Variants in GPC6 observed in about 807,000 individuals in gnomAD.
The protein encoded by GPC6 is glypican 6, also known as glypican-6.
A neutral mutation model predicts 55.2 loss-of-function variants in GPC6; 14 were observed. The observed-to-expected ratio is 0.25, with a 90% confidence interval of 0.17 to 0.40. The LOEUF is 0.40. Among genes scored for constraint, GPC6 ranks in the 10% least tolerant of loss-of-function variants. The probability of loss-of-function intolerance (pLI) is 1.00; values close to 1 mark genes in which losing one functional copy is unlikely to be tolerated. For missense variants in GPC6, 641 were observed against 708.5 expected (o/e 0.90, Z 1.08); for synonymous variants, 278 against 259.6 (o/e 1.07, Z -0.68).
At chr13:93,358,581 A>G (rs1458100771) in intron 1 of GPC6, among the ~76,000 whole-genome samples, 1 of 152,144 alleles carries the variant, frequency 6.6e-6, no homozygotes, top group Admixed American at 6.6e-5. Context: ...CTACATTGAA[A>G]AACCCATCTT....
At chr13:93,536,022 C>G (rs1882048242) in intron 1 of GPC6, among the ~76,000 whole-genome samples, 1 of 152,046 alleles carries the variant, frequency 6.6e-6, no homozygotes, top group African/African-American at 2.4e-5. Flanking sequence ...AGTGATCTTC[C>G]AACATCGGGA....
intron 1 of GPC6, among the ~76,000 whole-genome samples, chr13:93,324,216 C>G (rs373683838): frequency 6.6e-6 from 1 of 151,958 alleles, no homozygotes; most frequent in East Asian, 1.9e-4. Flanking sequence ...ATCACATATT[C>G]TCACTTATTT....
intron 4 of GPC6, among the ~76,000 whole-genome samples, chr13:94,193,980 T>C (rs747991232): frequency 1.1e-4 from 17 of 152,160 alleles, no homozygotes; most frequent in Non-Finnish European, 4.4e-5. Context: ...AAGCTTATGA[T>C]ATAGTGGGAA....
intron 3 of GPC6, among the ~76,000 whole-genome samples, chr13:94,026,819 A>C (rs1025008705): frequency 2.0e-5 from 3 of 152,122 alleles, no homozygotes; most frequent in African/African-American, 7.2e-5. Context: ...GCCAAGCAAA[A>C]GGGGAAAAAG....
intron 2 of GPC6, among the ~76,000 whole-genome samples, chr13:93,565,004 C>T (rs927240735): frequency 6.6e-6 from 1 of 152,172 alleles, no homozygotes; most frequent in Non-Finnish European, 1.5e-5. Flanking sequence ...AAAACATTCC[C>T]TCAGAATGTA....
At chr13:93,320,351 T>C (rs1879393388) in intron 1 of GPC6, among the ~76,000 whole-genome samples, 1 of 151,862 alleles carries the variant, frequency 6.6e-6, no homozygotes, top group African/African-American at 2.4e-5. Flanking sequence ...GTGATTCCCT[T>C]ATATATATAA....
chr13:93,675,908 TA>T (rs1177293640), intron 2 of GPC6, among the ~76,000 whole-genome samples: 2 of 151,810 alleles, frequency 1.3e-5, no homozygotes, highest in African/African-American at 4.8e-5. Context: ...GACTACTTTT[TA>T]TTACTATACA....
At chr13:93,713,111 A>G (rs1883130278) in intron 2 of GPC6, among the ~76,000 whole-genome samples, 2 of 151,648 alleles carry the variant, frequency 1.3e-5, no homozygotes, top group African/African-American at 4.8e-5. Context: ...AATTAAAAAC[A>G]TAAATTTTAA....
intron 2 of GPC6, among the ~76,000 whole-genome samples, chr13:93,638,727 C>T (rs1171909537): frequency 6.6e-6 from 1 of 152,062 alleles, no homozygotes; most frequent in African/African-American, 2.4e-5. Context: ...TAACCATATA[C>T]AAAAACGAAT....
intron 4 of GPC6, among the ~76,000 whole-genome samples, chr13:94,050,592 T>C (rs1883909828): frequency 6.6e-6 from 1 of 152,172 alleles, no homozygotes; most frequent in Non-Finnish European, 1.5e-5. Flanking sequence ...GCACAGAGAA[T>C]GTGCACCAAT....
At chr13:94,111,203 G>T (rs1886234207) in intron 4 of GPC6, among the ~76,000 whole-genome samples, 1 of 151,546 alleles carries the variant, frequency 6.6e-6, no homozygotes, top group South Asian at 2.1e-4. Flanking sequence ...GTTATTGTAG[G>T]TGTTCTTTAT....
At chr13:94,344,580 G>A (rs1226112421) in intron 6 of GPC6, among the ~76,000 whole-genome samples, 4 of 152,120 alleles carry the variant, frequency 2.6e-5, no homozygotes, top group Admixed American at 2.0e-4. Context: ...TTTACTCTTC[G>A]TGACTGGTCA....
At chr13:94,246,724 G>A (rs942753972) in intron 4 of GPC6, among the ~76,000 whole-genome samples, 2 of 151,974 alleles carry the variant, frequency 1.3e-5, no homozygotes, top group Non-Finnish European at 2.9e-5. Context: ...CTATGTGTCT[G>A]TTTTCATGTC....
chr13:93,256,169 C>CAAA (rs1230331244), intron 1 of GPC6, among the ~76,000 whole-genome samples: 4 of 55,090 alleles, frequency 7.3e-5, no homozygotes, highest in Non-Finnish European at 1.1e-4. Context: ...GACTCCATCT[C>CAAA]AAAAAAAAAA....
intron 6 of GPC6, among the ~76,000 whole-genome samples, chr13:94,363,149 C>T (rs772639190): frequency 2.0e-5 from 3 of 152,072 alleles, no homozygotes; most frequent in Non-Finnish European, 2.9e-5. Flanking sequence ...TTATTAAAAC[C>T]ACCACATATC....
At chr13:93,325,930 T>G (rs981955044) in intron 1 of GPC6, among the ~76,000 whole-genome samples, 1 of 152,276 alleles carries the variant, frequency 6.6e-6, no homozygotes, top group South Asian at 2.1e-4. Context: ...CTTTTATTCA[T>G]TCAACAGATG....
chr13:93,851,656 A>C (rs151130342), intron 3 of GPC6, among the ~76,000 whole-genome samples: 1 of 151,860 alleles, frequency 6.6e-6, no homozygotes, highest in Non-Finnish European at 1.5e-5. Flanking sequence ...TGGAAGAATT[A>C]TGTTTAAAAT....
At chr13:93,379,880 A>G (rs9524034) in intron 1 of GPC6, among the ~76,000 whole-genome samples, 1 of 151,900 alleles carries the variant, frequency 6.6e-6, no homozygotes, top group South Asian at 2.1e-4. Flanking sequence ...CTTTAAAAAT[A>G]CTGGGATTAA....
intron 6 of GPC6, among the ~76,000 whole-genome samples, chr13:94,327,386 A>G (rs1877179431): frequency 6.6e-6 from 1 of 151,766 alleles, no homozygotes; most frequent in Admixed American, 6.6e-5. Flanking sequence ...TCTCTTTCCC[A>G]GCTCTTCTCT....
Sources: gnomAD v4.1 joint callset for allele counts (sites outside exome capture counted in the v4.1 genomes callset) on GRCh38, gnomAD v4.1.1 for gene constraint, MANE v1.5 for transcripts, NCBI Gene and HGNC (gene_info 2026-07-23, HGNC 2026-07-21) for gene names.